The following DMD variants were observed in gnomAD, a reference collection of about 807,000 sequenced individuals.
The protein encoded by DMD is dystrophin.
Under a neutral mutation model 330.1 loss-of-function variants are expected in DMD, and 63 were observed. The observed-to-expected ratio is 0.19, with a 90% CI of 0.16 to 0.24. DMD has a LOEUF of 0.24. Among genes scored for constraint, DMD ranks in the 10% least tolerant of loss-of-function variants. The pLI is 1.00. For missense variants in DMD, 3,344 were observed against 2,684.1 expected (o/e 1.25, Z -5.43); for synonymous variants, 1,223 against 959.8 (o/e 1.27, Z -5.07).
At chrX:31,558,385 G>A (rs1371442680) in intron 55 of DMD, among the ~76,000 whole-genome samples, 4 of 111,082 alleles carry the variant, frequency 3.6e-5, no homozygotes, top group South Asian at 3.8e-4. Flanking sequence ...TGCAACGTGC[G>A]TGCAGATCCC....
intron 44 of DMD, among the ~76,000 whole-genome samples, chrX:32,150,364 A>G (rs2096798239): frequency 8.9e-6 from 1 of 112,366 alleles, no homozygotes; most frequent in Non-Finnish European, 1.9e-5. Flanking sequence ...CACCTGGCAC[A>G]TGAAAACATC....
chrX:31,312,054 T>G (rs1257388839), intron 62 of DMD, among the ~76,000 whole-genome samples: 1 of 112,034 alleles, frequency 8.9e-6, no homozygotes, highest in East Asian at 2.8e-4. Context: ...GGGCAAAGAC[T>G]TCATGACAAA....
chrX:32,357,807 T>C (rs1011292748), intron 37 of DMD, among the ~76,000 whole-genome samples: 27 of 110,869 alleles, frequency 2.4e-4, no homozygotes, highest in African/African-American at 8.6e-4. Context: ...AGCCTTATCA[T>C]CCACAACTAA....
chrX:32,261,626 A>C (rs1375909646), intron 43 of DMD, among the ~76,000 whole-genome samples: 2 of 111,963 alleles, frequency 1.8e-5, no homozygotes, highest in African/African-American at 6.5e-5. Flanking sequence ...CTTTATCTTA[A>C]ATGCAATAGC....
chrX:31,679,224 A>G, intron 53 of DMD, 151 bp downstream of exon 53: 1 of 552,127 alleles, frequency 1.8e-6, no homozygotes. Flanking sequence ...GTCTCTAAGA[A>G]AATAAATATA....
chrX:33,054,153 A>C (rs1219335978), intron 1 of DMD, among the ~76,000 whole-genome samples: 1 of 112,241 alleles, frequency 8.9e-6, no homozygotes, highest in Admixed American at 9.5e-5. Context: ...AGCCATGGAA[A>C]CAGAATGATC....
At chrX:32,343,585 G>C (rs191206821) in intron 39 of DMD, among the ~76,000 whole-genome samples, 2 of 111,308 alleles carry the variant, frequency 1.8e-5, no homozygotes, top group East Asian at 5.7e-4. Context: ...CTGTTGTGTA[G>C]TTTATGTGCA....
intron 2 of DMD, among the ~76,000 whole-genome samples, chrX:32,866,615 C>G (rs60000444): frequency 0.036 from 3,943 of 109,272 alleles, 118 homozygotes; most frequent in African/African-American, 0.096. Flanking sequence ...TGCAGTTCCT[C>G]CAATGCAATC....
At chrX:33,091,201 A>C (rs1290802755) in intron 1 of DMD, among the ~76,000 whole-genome samples, 3 of 111,859 alleles carry the variant, frequency 2.7e-5, no homozygotes, top group African/African-American at 9.7e-5. Flanking sequence ...AACTAAATTT[A>C]AAATTTATAG....
At chrX:32,732,323 T>C (rs772397749) in intron 7 of DMD, among the ~76,000 whole-genome samples, 3 of 110,914 alleles carry the variant, frequency 2.7e-5, no homozygotes, top group African/African-American at 6.6e-5. Context: ...ATGGAACCAA[T>C]TTGGAAAACA....
At chrX:31,856,737 A>G (rs772299270) in intron 48 of DMD, among the ~76,000 whole-genome samples, 1 of 112,516 alleles carries the variant, frequency 8.9e-6, no homozygotes, top group Non-Finnish European at 1.9e-5. Context: ...GTGTGTGTGC[A>G]TAATTTGTAT....
At chrX:32,682,893 C>A (rs749666817) in intron 9 of DMD, among the ~76,000 whole-genome samples, 1 of 111,816 alleles carries the variant, frequency 8.9e-6, no homozygotes, top group Non-Finnish European at 1.9e-5. Context: ...TTTCCCTTTG[C>A]GGAGTGACTG....
chrX:33,264,006 T>G (rs2148906899), intron 1 of DMD, among the ~76,000 whole-genome samples: 1 of 111,247 alleles, frequency 9.0e-6, no homozygotes, highest in African/African-American at 3.2e-5. Context: ...ACTGGAAGAC[T>G]TTGGATAGTC....
At chrX:32,115,113 T>C (rs1186381462) in intron 44 of DMD, among the ~76,000 whole-genome samples, 1 of 112,175 alleles carries the variant, frequency 8.9e-6, no homozygotes, top group Non-Finnish European at 1.9e-5. Flanking sequence ...GAGTATTTTT[T>C]TTCTTCCTCC....
rs1244441806 is a variant in DMD, at chrX:31,951,161, A to ATATATATATATGTG, written c.6614+17177_6614+17178insCACATATATATATA. Among the ~76,000 whole-genome samples, 479 of 86,901 alleles carry ATATATATATATGTG rather than the reference A, an allele frequency of 5.5e-3. 10 individuals carry two copies. Among genetic ancestry groups the ATATATATATATGTG allele is most frequent in the African/African-American group, 0.021 (449 of 21,044 alleles). 75.5% of individuals were successfully genotyped at this position (86,901 alleles called of 115,157 possible). A position where few individuals can be genotyped will look rare whatever the true frequency, so the allele number is the denominator to read the frequency against. On this transcript the variant is annotated intron_variant, in intron 45 of 78. Transcript: ENST00000357033. ...TATATGTGTATATATATATATATGT[A>ATATATATATATGTG]TATATATATATATGTATATATATAT...
At chrX:33,233,954 T>G (rs752046322) in intron 1 of DMD, among the ~76,000 whole-genome samples, 1 of 112,247 alleles carries the variant, frequency 8.9e-6, no homozygotes, top group South Asian at 3.7e-4. Context: ...ATATTATTTT[T>G]TACAACTGTT....
intron 7 of DMD, among the ~76,000 whole-genome samples, chrX:32,724,534 T>G (rs192501525): frequency 8.9e-6 from 1 of 111,798 alleles, no homozygotes; most frequent in South Asian, 3.7e-4. Flanking sequence ...ATGTTAAAGC[T>G]AATTTTACTC....
At chrX:32,027,553 A>C (rs1383365780) in intron 44 of DMD, among the ~76,000 whole-genome samples, 1 of 111,697 alleles carries the variant, frequency 9.0e-6, no homozygotes, top group Non-Finnish European at 1.9e-5. Context: ...CACCATAGGA[A>C]CCCTGAACTA....
In DMD at chrX:32,968,879, A is replaced by C. The variant is rs1473899712; in HGVS notation, c.93+51260T>G. On this transcript the variant is annotated intron_variant, in intron 2 of 78. Transcript: ENST00000357033. ...CCCACCTCTACTAAAAATACAAAAAATTAGCCAGGCGTGGTGGTGGGTGCC... is the reference window on the plus strand; with the variant it reads ...CCCACCTCTACTAAAAATACAAAAACTTAGCCAGGCGTGGTGGTGGGTGCC... 5.6e-5 allele frequency among the ~76,000 whole-genome samples: 6 copies of C among 107,147 alleles called. No individual in the cohort carries two copies. The East Asian group carries it at 1.8e-3, about 32-fold the overall frequency. The allele number at this position is 107,147 out of a possible 115,157, so 93.0% of individuals were successfully genotyped here. A position where few individuals can be genotyped will look rare whatever the true frequency, so the allele number is the denominator to read the frequency against.
Sources: allele counts gnomAD v4.1 joint callset (sites outside exome capture counted in the v4.1 genomes callset), GRCh38; gene constraint gnomAD v4.1.1; transcripts MANE v1.5; gene names NCBI Gene and HGNC (gene_info 2026-07-23, HGNC 2026-07-21).